SCN8A: variants seen among roughly 807,000 people sequenced by gnomAD.
SCN8A encodes the protein sodium voltage-gated channel alpha subunit 8.
In SCN8A, 30 loss-of-function variants were observed where a neutral mutation model predicts 184.1. That is an observed-to-expected ratio of 0.16 (90% CI 0.12 to 0.22). The LOEUF (loss-of-function observed/expected upper bound fraction) is 0.22, where lower values mean the gene tolerates loss of function less well. Among genes scored for constraint, SCN8A ranks in the 10% least tolerant of loss-of-function variants. The probability of loss-of-function intolerance (pLI) is 1.00; values close to 1 mark genes in which losing one functional copy is unlikely to be tolerated. For missense variants in SCN8A, 1,057 were observed against 2,498.9 expected (o/e 0.42, Z 12.30); for synonymous variants, 852 against 907.0 (o/e 0.94, Z 1.09).
chr12:51,786,979 A>G (rs1156590591), intron 22 of SCN8A, among the ~76,000 whole-genome samples, 153 bp downstream of exon 22: 1 of 152,218 alleles, frequency 6.6e-6, no homozygotes, highest in Non-Finnish European at 1.5e-5. Flanking sequence ...CCAGTTTCAG[A>G]GAGATACCTT....
intron 1 of SCN8A, among the ~76,000 whole-genome samples, chr12:51,622,733 C>A (rs1009014968): frequency 2.0e-5 from 3 of 152,116 alleles, no homozygotes; most frequent in African/African-American, 7.2e-5. Context: ...TCTTTCTATA[C>A]TGCATTCTTT....
rs1018345973 is a variant in SCN8A, at chr12:51,740,189, C to T, written c.1999-5714C>T. 9.2e-5 allele frequency among the ~76,000 whole-genome samples: 14 copies of T among 152,352 alleles called. No homozygotes were observed. The East Asian group carries it at 2.7e-3, about 29-fold the overall frequency. On this transcript the variant is annotated intron_variant, in intron 12 of 26. Coordinates refer to ENST00000627620, the MANE Select transcript of SCN8A (RefSeq NM_001330260.2). ...GCTTGGGCGTTAGGGCCATTATGAA[C>T]ATGTTACAGTGCTGCAGAGATTTTG... is the stretch of plus-strand genomic sequence containing the variant.
intron 1 of SCN8A, among the ~76,000 whole-genome samples, chr12:51,629,564 AATTCTGC>A (rs1940153035): frequency 7.1e-6 from 1 of 141,068 alleles, no homozygotes; most frequent in Non-Finnish European, 1.5e-5. Context: ...TTTGCAAGTG[AATTCTGC>A]ATCAGTTTTG....
intron 1 of SCN8A, among the ~76,000 whole-genome samples, chr12:51,616,794 C>T (rs1012303169): frequency 6.6e-6 from 1 of 151,884 alleles, no homozygotes; most frequent in African/African-American, 2.4e-5. Flanking sequence ...TGGTGCATAC[C>T]TGTAGTCCCA....
chr12:51,686,598 A>C, intron 4 of SCN8A, 141 bp downstream of exon 4: 1 of 638,534 alleles, frequency 1.6e-6, no homozygotes, highest in South Asian at 2.0e-5. Context: ...CTGAAAGTAC[A>C]TGTGGAATTT....
intron 11 of SCN8A, among the ~76,000 whole-genome samples, chr12:51,715,688 T>C (rs1419623089): frequency 6.8e-6 from 1 of 147,258 alleles, no homozygotes; most frequent in Non-Finnish European, 1.5e-5. Context: ...AAAAATTATA[T>C]AAAATTAAAT....
intron 2 of SCN8A, among the ~76,000 whole-genome samples, chr12:51,683,328 A>G (rs2138706561): frequency 1.3e-5 from 2 of 152,334 alleles, no homozygotes; most frequent in East Asian, 1.9e-4. Context: ...ACATAAACAA[A>G]GGCCAACGTT....
intron 11 of SCN8A, among the ~76,000 whole-genome samples, chr12:51,710,522 G>C (rs1434561495): frequency 6.6e-6 from 1 of 152,142 alleles, no homozygotes; most frequent in African/African-American, 2.4e-5. Context: ...GGCCAGGCGT[G>C]GTGGCCCATG....
At chr12:51,648,738 CGTG>C (rs1213538398) in intron 1 of SCN8A, among the ~76,000 whole-genome samples, 2 of 152,174 alleles carry the variant, frequency 1.3e-5, no homozygotes, top group African/African-American at 4.8e-5. Context: ...TCCCACAACA[CGTG>C]GGAATCATGG....
intron 4 of SCN8A, among the ~76,000 whole-genome samples, chr12:51,686,699 C>T (rs989453778): frequency 6.6e-6 from 1 of 152,170 alleles, no homozygotes; most frequent in African/African-American, 2.4e-5. Context: ...GCCCTGCAGC[C>T]CCATCACCAT....
intron 18 of SCN8A, 50 bp from the exon 19 acceptor site, chr12:51,770,479 T>C (rs1204750120): frequency 6.6e-7 from 1 of 1,509,706 alleles, no homozygotes; most frequent in African/African-American, 1.4e-5. Flanking sequence ...AGGGCAGGTC[T>C]GGGCGGGGCA....
chr12:51,790,206 G>C (rs949430814), intron 24 of SCN8A, among the ~76,000 whole-genome samples, 192 bp from the exon 25 acceptor site: 3 of 152,132 alleles, frequency 2.0e-5, no homozygotes, highest in African/African-American at 7.2e-5. Context: ...TAGAAATCCT[G>C]AGCTAAAAAC....
intron 1 of SCN8A, among the ~76,000 whole-genome samples, chr12:51,599,188 A>G (rs917130320): frequency 1.3e-4 from 20 of 152,234 alleles, no homozygotes. Context: ...TATGGGATAT[A>G]TAAAAGATAG....
intron 21 of SCN8A, among the ~76,000 whole-genome samples, chr12:51,784,588 G>C (rs1938030405): frequency 6.6e-6 from 1 of 151,972 alleles, no homozygotes; most frequent in African/African-American, 2.4e-5. Context: ...TTTTCCTCTG[G>C]TTATGATTAA....
chr12:51,792,888 G>A (rs1565928447), intron 25 of SCN8A, among the ~76,000 whole-genome samples: 2 of 151,926 alleles, frequency 1.3e-5, no homozygotes, highest in Admixed American at 6.6e-5. Context: ...GACCACAGGC[G>A]CCTGCCACCA....
At chr12:51,782,337 T>C (rs929546698) in intron 21 of SCN8A, among the ~76,000 whole-genome samples, 3 of 152,216 alleles carry the variant, frequency 2.0e-5, no homozygotes, top group African/African-American at 7.2e-5. Context: ...ACAGCCACGG[T>C]GAGATTGAAA....
At chr12:51,645,651 A>G (rs574526261) in intron 1 of SCN8A, among the ~76,000 whole-genome samples, 2 of 152,014 alleles carry the variant, frequency 1.3e-5, no homozygotes, top group Admixed American at 1.3e-4. Context: ...CGGTGACCTT[A>G]CCCCCAACCC....
chr12:51,771,433 CAA>C (rs112882505), intron 19 of SCN8A, among the ~76,000 whole-genome samples: 2 of 140,418 alleles, frequency 1.4e-5, no homozygotes, highest in Non-Finnish European at 1.6e-5. Flanking sequence ...AATCTGGAAG[CAA>C]AAAAAAAAAC....
At chr12:51,733,340 A>G (rs1351398478) in intron 12 of SCN8A, among the ~76,000 whole-genome samples, 2 of 152,158 alleles carry the variant, frequency 1.3e-5, no homozygotes, top group East Asian at 1.9e-4. Context: ...TATTCTGTTG[A>G]TATGATGTAT....
Sources: allele counts gnomAD v4.1 joint callset (sites outside exome capture counted in the v4.1 genomes callset), GRCh38; gene constraint gnomAD v4.1.1; transcripts MANE v1.5; gene names NCBI Gene and HGNC (gene_info 2026-07-23, HGNC 2026-07-21).